The following ABCA12 variants were observed in gnomAD, a reference collection of about 807,000 sequenced individuals.
ABCA12 encodes the protein glucosylceramide transporter ABCA12.
A neutral mutation model predicts 293.5 loss-of-function variants in ABCA12; 156 were observed. The ratio of observed to expected loss-of-function variants is 0.53; its 90% CI spans 0.47 to 0.61. ABCA12 has a LOEUF of 0.61. Ranked by LOEUF, ABCA12 falls within the 20% of genes least tolerant of loss-of-function variation. ABCA12 has a pLI of 0.00. For synonymous variants in ABCA12, 1,063 were observed against 1,108.0 expected (o/e 0.96, Z 0.81); for missense variants, 2,797 against 3,090.2 (o/e 0.91, Z 2.25).
chr2:214,944,736 C>T (rs1698522532), intron 49 of ABCA12, among the ~76,000 whole-genome samples: 1 of 152,190 alleles, frequency 6.6e-6, no homozygotes, highest in Middle Eastern at 3.4e-3. Flanking sequence ...CTCCGTCCCA[C>T]CACAGGAACT....
intron 26 of ABCA12, 120 bp downstream of exon 26, chr2:214,989,209 T>TATATACATATATATATATATATATAA (rs1177238854): frequency 6.0e-6 from 1 of 167,446 alleles, no homozygotes; most frequent in African/African-American, 2.6e-5. Context: ...TATATATATA[T>TATATACATATATATATATATATATAA]AATATTTTTA....
At chr2:214,957,911 T>G (rs1699000587) in intron 41 of ABCA12, among the ~76,000 whole-genome samples, 1 of 152,214 alleles carries the variant, frequency 6.6e-6, no homozygotes. Flanking sequence ...TAAGCTTCTA[T>G]TTCTCCACAG....
chr2:215,030,363 G>A (rs900139898), intron 9 of ABCA12: 1 of 152,146 alleles, frequency 6.6e-6, no homozygotes, highest in Admixed American at 6.5e-5. Flanking sequence ...GAGAGGCCGA[G>A]GCGGGCGAAT....
chr2:215,101,019 G>A (rs939842304), intron 2 of ABCA12, among the ~76,000 whole-genome samples: 7 of 152,108 alleles, frequency 4.6e-5, no homozygotes, highest in Admixed American at 4.6e-4. Context: ...TCTGAGAGGA[G>A]GTTTGCTCCT....
intron 50 of ABCA12, among the ~76,000 whole-genome samples, chr2:214,939,347 G>A (rs766895642): frequency 4.6e-5 from 7 of 152,166 alleles, no homozygotes; most frequent in Non-Finnish European, 1.0e-4. Flanking sequence ...CCAGTATCAT[G>A]CTGTTTTGGT....
rs773446715 is a variant in ABCA12 at position 215,045,924 on chromosome 2, A to G, written c.785T>C (p.Val262Ala). ...TGGAAAACTAGACAGAAGCTGCCAC[A>G]CAGCTTTCTGCTCTTGCACTTGTGA... The part of the protein sequence containing the change: ...FFSQVQEQKA[V>A]WQLLSSFPNV... Residue 262 changes from valine (V) to alanine (A), a missense_variant, in exon 7 of 53, where the codon GTG (valine) becomes GCG (alanine). Around this residue, in one of 3 missense-constraint regions of ABCA12, gnomAD observed 656 missense variants for 638.2 expected, o/e 1.03. Coordinates refer to ENST00000272895, the MANE Select transcript of ABCA12 (RefSeq NM_173076.3). 1 of 1,613,478 alleles carries G rather than the reference A, an allele frequency of 6.2e-7. No homozygotes were observed. The highest frequency in any genetic ancestry group is 1.7e-5 in the Admixed American group (1 of 59,990).
intron 17 of ABCA12, 136 bp from the exon 18 acceptor site, chr2:215,010,606 G>T: frequency 1.0e-6 from 1 of 994,328 alleles, no homozygotes. Context: ...TAACAGATGT[G>T]AGGCATCTGG....
chr2:214,947,272 T>C lies in ABCA12; in HGVS notation c.7239+150A>G, dbSNP rs1234195977. On this transcript the variant is annotated intron_variant, in intron 48 of 52. Coordinates refer to ENST00000272895, the MANE Select transcript of ABCA12 (RefSeq NM_173076.3). ...GCTGATATAAAATCCTTTATTGAGATAGTATACATAAAGTGCTTTGCACAA... is the reference window on the plus strand; with the variant it reads ...GCTGATATAAAATCCTTTATTGAGACAGTATACATAAAGTGCTTTGCACAA... 9.7e-6 allele frequency: 10 copies of C among 1,029,664 alleles called. No individual in the cohort carries two copies. The African/African-American group carries it at 1.4e-4, about 15-fold the overall frequency. 63.8% of individuals were successfully genotyped at this position (1,029,664 alleles called of 1,614,324 possible).
chr2:215,043,587 G>A (rs967186313), intron 7 of ABCA12, among the ~76,000 whole-genome samples: 7 of 151,916 alleles, frequency 4.6e-5, no homozygotes, highest in Non-Finnish European at 8.8e-5. Flanking sequence ...TGTTGTTGTT[G>A]TTGTTGTTGA....
rs191646910 is a variant in ABCA12, at chr2:215,132,847, T to C, written c.69+5293A>G. Among the ~76,000 whole-genome samples the C allele has an allele frequency of 6.6e-5, 10 of 152,222 alleles. No individual in the cohort carries two copies. The East Asian group carries it at 9.6e-4, about 15-fold the overall frequency. On this transcript the variant is annotated intron_variant, in intron 1 of 52. Transcript: ENST00000272895. Reference sequence around the variant, plus strand: ...ACAAGATCTGTGAGCTTTGTACTTATGTATCTTTTTCTGTGTTGTCCTTTT... The same window carrying C: ...ACAAGATCTGTGAGCTTTGTACTTACGTATCTTTTTCTGTGTTGTCCTTTT...
chr2:215,084,265 G>A (rs569052159), intron 2 of ABCA12, among the ~76,000 whole-genome samples: 1 of 152,210 alleles, frequency 6.6e-6, no homozygotes, highest in Admixed American at 6.5e-5. Context: ...GGGATTACAG[G>A]CATGCGCTAC....
At position 215,026,906 on chromosome 2, in the gene ABCA12, A is replaced by T. The variant is rs1559154327; in HGVS notation, c.1094T>A (p.Leu365His). The change falls in exon 10 of 53, where the codon CTC (leucine) becomes CAC (histidine). Residue 365 changes from leucine (L) to histidine (H), a missense_variant. Physicochemically the swap from Leu to His is moderately conservative, Grantham distance 99 (BLOSUM62 -3). This residue lies in a region of ABCA12 where 656 missense variants were observed against 638.2 expected (regional missense o/e 1.03). Transcript: ENST00000272895. ...AGGACTATTTGCTGATATATTTAAG[A>T]GGGCATCTTCAAAGTTTTCCAGAAT... is the stretch of plus-strand genomic sequence containing the variant. ...LLILENFEDA[L>H]LNISANSPYI... 1 of 1,612,268 alleles carries T rather than the reference A, an allele frequency of 6.2e-7. No individual in the cohort carries two copies. The highest frequency in any genetic ancestry group is 1.3e-5 in the African/African-American group (1 of 74,998).
At chr2:215,021,906 T>C (rs1322177767) in intron 11 of ABCA12, 1 of 152,194 alleles carries the variant, frequency 6.6e-6, no homozygotes, top group Non-Finnish European at 1.5e-5. Context: ...GGTTTATATG[T>C]ACAAAAATTC....
intron 28 of ABCA12, 107 bp downstream of exon 28, chr2:214,986,435 A>G (rs1699788307): frequency 1.8e-6 from 2 of 1,102,486 alleles, no homozygotes; most frequent in South Asian, 2.7e-5. Context: ...TCCATCTGGG[A>G]AATGTAATAA....
chr2:214,950,942 G>A lies in ABCA12; in HGVS notation c.6789C>T (p.Tyr2263=), dbSNP rs201872649. 1.2e-6 allele frequency: 2 copies of A among 1,614,146 alleles called. No individual in the cohort carries two copies. Among genetic ancestry groups the A allele is most frequent in the East Asian group, 2.2e-5 (1 of 44,870 alleles). The stretch of plus-strand genomic sequence containing the variant: ...CTATAATCTTTTTGTGGATAAGTTG[G>A]TAGGTCTTTGTGAGACAATAAAGTT... ...LVQLYCLTKT[Y]QLIHKKIIAV... is the part of the protein sequence containing the mutation. Residue 2263 remains tyrosine (Y), a synonymous_variant, in exon 45 of 53, where the codon TAC becomes TAT. Coordinates refer to ENST00000272895, the MANE Select transcript of ABCA12 (RefSeq NM_173076.3).
intron 2 of ABCA12, among the ~76,000 whole-genome samples, chr2:215,073,661 G>A (rs770896141): frequency 6.6e-6 from 1 of 152,156 alleles, no homozygotes; most frequent in Non-Finnish European, 1.5e-5. Context: ...TGGTACACTG[G>A]GGGAGTGGTA....
intron 10 of ABCA12, among the ~76,000 whole-genome samples, chr2:215,026,377 A>C (rs1415746414): frequency 2.0e-5 from 3 of 152,228 alleles, no homozygotes; most frequent in Non-Finnish European, 4.4e-5. Context: ...GGTAGAAAAT[A>C]AAAGTAGTCT....
intron 28 of ABCA12, among the ~76,000 whole-genome samples, chr2:214,985,852 C>T (rs1699774257): frequency 6.6e-6 from 1 of 152,110 alleles, no homozygotes; most frequent in South Asian, 2.1e-4. Context: ...GCATTGGAGG[C>T]AAATCACATA....
chr2:215,010,400 C>G lies in ABCA12; in HGVS notation c.2403G>C (p.Leu801Phe). ...MPAGPVIWAF[L>F]KPMLLGRILY... ...AAATTCTTCCCAACAACATAGGTTT[C>G]AAGAAAGCCCAAATCACAGGTCCAG... Residue 801 changes from leucine to phenylalanine, a missense_variant, in exon 18 of 53, where the codon TTG (leucine) becomes TTC (phenylalanine). Physicochemically the swap from Leu to Phe is conservative, Grantham distance 22. Transcript: ENST00000272895. 1 of 1,613,792 alleles carries G rather than the reference C, an allele frequency of 6.2e-7. No individual in the cohort carries two copies. Among genetic ancestry groups the G allele is most frequent in the Non-Finnish European group, 8.5e-7 (1 of 1,179,802 alleles).
Sources: gnomAD v4.1 joint callset for allele counts (sites outside exome capture counted in the v4.1 genomes callset) on GRCh38, gnomAD v4.1.1 for gene constraint, gnomAD v4.1.1 regional missense constraint, MANE v1.5 for transcripts, NCBI Gene and HGNC (gene_info 2026-07-23, HGNC 2026-07-21) for gene names.